The following SORCS3 variants were observed in gnomAD, a reference collection of about 807,000 sequenced individuals.
SORCS3 encodes the protein VPS10 domain-containing receptor SorCS3.
In SORCS3, 57 loss-of-function variants were observed where a neutral mutation model predicts 146.3. The ratio of observed to expected loss-of-function variants is 0.39; its 90% confidence interval spans 0.31 to 0.49. The LOEUF (loss-of-function observed/expected upper bound fraction) is 0.49, where lower values mean the gene tolerates loss of function less well. SORCS3 is among the 20% of genes least tolerant of loss of function. The pLI, the probability that SORCS3 is intolerant of heterozygous loss-of-function variation, is 0.92. For synonymous variants in SORCS3, 653 were observed against 618.5 expected (o/e 1.06, Z -0.83); for missense variants, 1,341 against 1,575.5 (o/e 0.85, Z 2.52).
intron 14 of SORCS3, among the ~76,000 whole-genome samples, chr10:105,193,537 A>G (rs1429068517): frequency 6.6e-6 from 1 of 152,166 alleles, no homozygotes; most frequent in Non-Finnish European, 1.5e-5. Flanking sequence ...ATTGAGGTGT[A>G]CTTTGAGGTA....
At chr10:104,742,823 C>G (rs982961655) in intron 1 of SORCS3, among the ~76,000 whole-genome samples, 1 of 152,106 alleles carries the variant, frequency 6.6e-6, no homozygotes. Context: ...GCTCCATGTT[C>G]CATTGGTTGG....
intron 1 of SORCS3, among the ~76,000 whole-genome samples, chr10:104,725,853 G>A (rs930828939): frequency 4.6e-5 from 7 of 152,194 alleles, no homozygotes; most frequent in African/African-American, 7.2e-5. Context: ...GGAGTGACCC[G>A]GTTTTCCAGG....
chr10:104,903,642 G>C (rs936564079), intron 2 of SORCS3, among the ~76,000 whole-genome samples: 1 of 152,198 alleles, frequency 6.6e-6, no homozygotes, highest in Non-Finnish European at 1.5e-5. Flanking sequence ...AGTTCTCAAA[G>C]TATGACTCAG....
chr10:104,647,158 T>G (rs1161506924), intron 1 of SORCS3, among the ~76,000 whole-genome samples: 3 of 152,148 alleles, frequency 2.0e-5, no homozygotes, highest in Non-Finnish European at 4.4e-5. Flanking sequence ...TTTCTTAAAT[T>G]CAGATCCAGA....
chr10:105,129,252 A>G (rs999103210), intron 7 of SORCS3, among the ~76,000 whole-genome samples: 2 of 152,038 alleles, frequency 1.3e-5, no homozygotes, highest in South Asian at 4.2e-4. Context: ...TTGGACAACC[A>G]TATAAGCTAG....
chr10:105,027,348 G>A lies in SORCS3; in HGVS notation c.955-15707G>A, dbSNP rs2096238. ...TTGTGTTCACGGATCATAATATCAC[G>A]TTGTACCCCATAAACTTATGCAAGT... On this transcript the variant is annotated intron_variant, in intron 4 of 26. Transcript: ENST00000369701. Among the ~76,000 whole-genome samples the A allele has an allele frequency of 1.3e-5, 2 of 151,840 alleles. 1 individual carries two copies.
intron 1 of SORCS3, among the ~76,000 whole-genome samples, chr10:104,663,931 T>G (rs2015734698): frequency 6.6e-6 from 1 of 152,220 alleles, no homozygotes; most frequent in Non-Finnish European, 1.5e-5. Flanking sequence ...GCATGCTGCC[T>G]GCCTTAACAC....
chr10:104,657,044 TAG>T (rs1019256237), intron 1 of SORCS3, among the ~76,000 whole-genome samples: 1 of 152,210 alleles, frequency 6.6e-6, no homozygotes, highest in African/African-American at 2.4e-5. Flanking sequence ...CTTTGGCCAA[TAG>T]AGAGTTGGAA....
chr10:104,856,156 T>C (rs754602687), intron 2 of SORCS3, among the ~76,000 whole-genome samples: 1 of 152,138 alleles, frequency 6.6e-6, no homozygotes, highest in African/African-American at 2.4e-5. Context: ...ACTCAGACCC[T>C]GTATTAGTAT....
intron 1 of SORCS3, among the ~76,000 whole-genome samples, chr10:104,697,502 A>T (rs566935945): frequency 3.9e-5 from 6 of 152,274 alleles, no homozygotes; most frequent in African/African-American, 1.2e-4. Context: ...CTTAGGTCTG[A>T]TGGTGTATTT....
At chr10:105,102,780 CTTTTTTTTTT>C (rs1183026265) in intron 6 of SORCS3, among the ~76,000 whole-genome samples, 3 of 92,524 alleles carry the variant, frequency 3.2e-5, no homozygotes, top group African/African-American at 1.3e-4. Flanking sequence ...ACCTCTCAAC[CTTTTTTTTTT>C]TTTTTTTTTT....
chr10:104,676,820 T>G (rs959119057), intron 1 of SORCS3, among the ~76,000 whole-genome samples: 5 of 152,202 alleles, frequency 3.3e-5, no homozygotes, highest in Non-Finnish European at 5.9e-5. Context: ...TTTCTAGGTC[T>G]TGGCCTTGAT....
At chr10:104,664,118 C>G (rs2015737579) in intron 1 of SORCS3, among the ~76,000 whole-genome samples, 1 of 152,078 alleles carries the variant, frequency 6.6e-6, no homozygotes, top group Non-Finnish European at 1.5e-5. Context: ...TAAGGGTAGG[C>G]TCAGATGCAT....
At chr10:104,836,356 C>T (rs1040172975) in intron 1 of SORCS3, among the ~76,000 whole-genome samples, 3 of 152,060 alleles carry the variant, frequency 2.0e-5, no homozygotes, top group Non-Finnish European at 4.4e-5. Context: ...ACTTTACTAT[C>T]AAAATTCTTA....
At chr10:105,126,551 T>C (rs1017401980) in intron 7 of SORCS3, among the ~76,000 whole-genome samples, 3 of 152,154 alleles carry the variant, frequency 2.0e-5, no homozygotes, top group African/African-American at 7.2e-5. Context: ...TATTTATAGA[T>C]TACATACAAC....
intron 20 of SORCS3, 71 bp from the exon 21 acceptor site, chr10:105,245,471 G>C: frequency 6.4e-7 from 1 of 1,561,422 alleles, no homozygotes; most frequent in East Asian, 2.3e-5. Context: ...GACAGTCTGA[G>C]AGTTTCAGGA....
chr10:105,169,526 G>A (rs1173092395), intron 13 of SORCS3, among the ~76,000 whole-genome samples: 2 of 151,998 alleles, frequency 1.3e-5, no homozygotes, highest in Non-Finnish European at 2.9e-5. Context: ...GAGGTGAGAG[G>A]CAAGCCAGGG....
At chr10:104,902,499 T>C (rs1167433720) in intron 2 of SORCS3, among the ~76,000 whole-genome samples, 1 of 152,238 alleles carries the variant, frequency 6.6e-6, no homozygotes, top group African/African-American at 2.4e-5. Flanking sequence ...CTGTCTTCTC[T>C]TTCCAGTTAT....
rs181379435 is a variant in SORCS3, at chr10:105,252,559, A to G, written c.3106-216A>G. Among the ~76,000 whole-genome samples, 424 of 152,350 alleles carry G rather than the reference A, an allele frequency of 2.8e-3. 5 individuals are homozygous for G. The highest frequency in any genetic ancestry group is 6.8e-3 in the Middle Eastern group (2 of 294). Reference sequence around the variant, plus strand: ...CATTCTAGTTTCAGTAAAAATGTATATAAGAGCAGGGGAGGTAGTGAAACT... The same window carrying G: ...CATTCTAGTTTCAGTAAAAATGTATGTAAGAGCAGGGGAGGTAGTGAAACT... On this transcript the variant is annotated intron_variant, in intron 22 of 26. Coordinates refer to ENST00000369701, the MANE Select transcript of SORCS3 (RefSeq NM_014978.3).
Sources: allele counts gnomAD v4.1 joint callset (sites outside exome capture counted in the v4.1 genomes callset), GRCh38; gene constraint gnomAD v4.1.1; transcripts MANE v1.5; gene names NCBI Gene and HGNC (gene_info 2026-07-23, HGNC 2026-07-21).